Variants in PDE11A observed in about 807,000 individuals in gnomAD.
The protein encoded by PDE11A is dual 3',5'-cyclic-AMP and -GMP phosphodiesterase 11A.
Under a neutral mutation model 100.5 loss-of-function variants are expected in PDE11A, and 100 were observed. The ratio of observed to expected loss-of-function variants is 1.00; its 90% confidence interval spans 0.85 to 1.18. The LOEUF is 1.18. Ranked by LOEUF, PDE11A falls within the 50% of genes most tolerant of loss-of-function variation. The pLI, the probability that PDE11A is intolerant of heterozygous loss-of-function variation, is 0.00. For synonymous variants in PDE11A, 381 were observed against 420.8 expected (o/e 0.91, Z 1.16); for missense variants, 1,141 against 1,152.6 (o/e 0.99, Z 0.15).
intron 6 of PDE11A, among the ~76,000 whole-genome samples, chr2:177,830,634 TAATAA>T (rs1014756815): frequency 1.8e-4 from 27 of 146,382 alleles, no homozygotes; most frequent in African/African-American, 5.9e-4. Flanking sequence ...ATAATAATAA[TAATAA>T]TAATAATAAT....
intron 1 of PDE11A, among the ~76,000 whole-genome samples, chr2:178,023,371 T>C (rs1240274591): frequency 6.6e-6 from 1 of 152,158 alleles, no homozygotes; most frequent in Admixed American, 6.5e-5. Context: ...AAATCCATCT[T>C]CTCTTTCTAC....
In PDE11A at chr2:177,675,631, A is replaced by G. The variant is rs895940700; in HGVS notation, c.2424-113T>C. The G allele has an allele frequency of 8.7e-6, 7 of 805,894 alleles. No homozygotes were observed. The African/African-American group carries it at 1.0e-4, about 12-fold the overall frequency. 49.9% of individuals were successfully genotyped at this position (805,894 alleles called of 1,614,324 possible). On this transcript the variant is annotated intron_variant, in intron 16 of 19. Transcript: ENST00000286063. ...TAAAATGGAAACGAGGCCAGCTCAC[A>G]TCTTCCTTTCCTCAACAAGGGGCAG...
intron 2 of PDE11A, among the ~76,000 whole-genome samples, chr2:177,946,992 G>A (rs2085446613): frequency 2.6e-5 from 3 of 115,440 alleles, no homozygotes; most frequent in Admixed American, 1.6e-4. Flanking sequence ...CCGGCCAGCC[G>A]CCCCGTCCGG....
At chr2:177,992,608 C>A (rs537706886) in intron 2 of PDE11A, among the ~76,000 whole-genome samples, 2 of 152,206 alleles carry the variant, frequency 1.3e-5, no homozygotes, top group African/African-American at 4.8e-5. Context: ...TATTCTTAAA[C>A]CCTTGTGTCA....
chr2:177,749,337 A>G (rs184921613), intron 10 of PDE11A, among the ~76,000 whole-genome samples: 12 of 152,304 alleles, frequency 7.9e-5, no homozygotes, highest in Non-Finnish European at 1.0e-4. Flanking sequence ...TTGGCCTCAT[A>G]AAGTGCTGGG....
At chr2:177,687,305 C>T (rs1392637656) in intron 15 of PDE11A, 2 of 152,042 alleles carry the variant, frequency 1.3e-5, no homozygotes, top group Non-Finnish European at 2.9e-5. Flanking sequence ...ACTCACCATA[C>T]AATGACCATT....
At chr2:177,740,203 G>T (rs1157961393) in intron 10 of PDE11A, among the ~76,000 whole-genome samples, 3 of 152,116 alleles carry the variant, frequency 2.0e-5, no homozygotes, top group Non-Finnish European at 4.4e-5. Context: ...AGCTGAATAT[G>T]GTGGACAGAG....
At chr2:177,865,219 C>T (rs912168312) in intron 5 of PDE11A, among the ~76,000 whole-genome samples, 3 of 151,802 alleles carry the variant, frequency 2.0e-5, no homozygotes, top group African/African-American at 4.8e-5. Flanking sequence ...CAGAGGTTGC[C>T]GTGAGCCGAG....
chr2:177,660,661 A>G (rs1527408), intron 19 of PDE11A, among the ~76,000 whole-genome samples: 11,225 of 152,226 alleles, frequency 0.074, 500 homozygotes, highest in East Asian at 0.18. Flanking sequence ...TGGGCATCCA[A>G]AATATACCGG....
At chr2:177,804,038 T>C (rs988366399) in intron 9 of PDE11A, among the ~76,000 whole-genome samples, 16 of 151,938 alleles carry the variant, frequency 1.1e-4, no homozygotes, top group African/African-American at 3.6e-4. Flanking sequence ...AGGACTCTTC[T>C]GGACATTGGC....
At chr2:178,073,209 T>C (rs1488584315), upstream of PDE11A, among the ~76,000 whole-genome samples, 1 of 152,138 alleles carries the variant, frequency 6.6e-6, no homozygotes, top group African/African-American at 2.4e-5. Context: ...CAGGGTTATT[T>C]TTCTGGGATG....
intron 4 of PDE11A, among the ~76,000 whole-genome samples, chr2:177,882,498 C>G (rs901391258): frequency 3.3e-5 from 5 of 152,136 alleles, no homozygotes; most frequent in African/African-American, 1.2e-4. Context: ...AGTTTACTAT[C>G]TAAATCCAAC....
chr2:177,961,718 T>C (rs1281616441), intron 2 of PDE11A, among the ~76,000 whole-genome samples: 2 of 152,178 alleles, frequency 1.3e-5, no homozygotes, highest in South Asian at 2.1e-4. Context: ...ATGACCATAA[T>C]GGAAAGCCAA....
At chr2:177,869,422 C>T (rs148565401) in intron 5 of PDE11A, among the ~76,000 whole-genome samples, 29 of 152,282 alleles carry the variant, frequency 1.9e-4, no homozygotes, top group African/African-American at 6.7e-4. Flanking sequence ...TTGGCCCTGT[C>T]TATATTTAAA....
intron 12 of PDE11A, among the ~76,000 whole-genome samples, chr2:177,714,424 T>C (rs2081406123): frequency 6.6e-6 from 1 of 152,240 alleles, no homozygotes; most frequent in East Asian, 1.9e-4. Context: ...GGAGTTCTCA[T>C]AACAGTCCTG....
At chr2:178,037,722 G>C (rs947900158) in intron 1 of PDE11A, among the ~76,000 whole-genome samples, 1 of 152,100 alleles carries the variant, frequency 6.6e-6, no homozygotes, top group African/African-American at 2.4e-5. Context: ...TCCTTTGCAG[G>C]GACATGGATG....
chr2:177,727,992 G>T, intron 11 of PDE11A, 34 bp downstream of exon 11: 2 of 1,597,100 alleles, frequency 1.3e-6, no homozygotes, highest in Non-Finnish European at 1.7e-6. Flanking sequence ...TGTCCCAGGT[G>T]AACTGCTTGG....
chr2:177,827,931 G>A (rs775215512), intron 6 of PDE11A, among the ~76,000 whole-genome samples: 5 of 152,174 alleles, frequency 3.3e-5, no homozygotes, highest in East Asian at 1.9e-4. Flanking sequence ...AGAGGCAAAG[G>A]CGAATAGAAA....
chr2:177,985,320 A>C (rs551867937), intron 2 of PDE11A, among the ~76,000 whole-genome samples: 2 of 152,316 alleles, frequency 1.3e-5, no homozygotes, highest in East Asian at 3.9e-4. Context: ...GCTTTCTTGA[A>C]AAGTGATCAT....
Sources: gnomAD v4.1 joint callset for allele counts (sites outside exome capture counted in the v4.1 genomes callset) on GRCh38, gnomAD v4.1.1 for gene constraint, MANE v1.5 for transcripts, NCBI Gene and HGNC (gene_info 2026-07-23, HGNC 2026-07-21) for gene names.